The following SMCO2 variants were observed in gnomAD, a reference collection of about 807,000 sequenced individuals.
SMCO2 encodes the protein single-pass membrane and coiled-coil domain-containing protein 2.
A neutral mutation model predicts 29.5 loss-of-function variants in SMCO2; 25 were observed. That is an observed-to-expected ratio of 0.85 (90% CI 0.62 to 1.18). The LOEUF (loss-of-function observed/expected upper bound fraction) is 1.18, where lower values mean the gene tolerates loss of function less well. SMCO2 is among the 50% of genes most tolerant of loss of function. The pLI is 0.00. For missense variants in SMCO2, 348 were observed against 344.5 expected, an observed-to-expected ratio of 1.01 and a Z score of -0.08; for synonymous variants, 117 against 123.3, an observed-to-expected ratio of 0.95 and a Z score of 0.34.
chr12:27,497,045 TG>T, intron 7 of SMCO2: 1 of 154,998 alleles, frequency 6.5e-6, no homozygotes. Flanking sequence ...TGTAGGAGAT[TG>T]GGGGACCCAG....
chr12:27,484,334 A>C (rs374465655), intron 4 of SMCO2, among the ~76,000 whole-genome samples: 2 of 152,024 alleles, frequency 1.3e-5, no homozygotes, highest in African/African-American at 4.8e-5. Flanking sequence ...AGCCAAGATC[A>C]CTCCACTGCA....
intron 1 of SMCO2, among the ~76,000 whole-genome samples, chr12:27,469,429 CT>C (rs1949523738): frequency 1.3e-5 from 2 of 152,296 alleles, no homozygotes; most frequent in East Asian, 3.9e-4. Flanking sequence ...CGACCAAGCC[CT>C]TGTCTGTGCA....
chr12:27,467,344 G>A (rs1949506189), intron 1 of SMCO2, among the ~76,000 whole-genome samples: 1 of 152,044 alleles, frequency 6.6e-6, no homozygotes, highest in Non-Finnish European at 1.5e-5. Flanking sequence ...TGAAGACATG[G>A]GGTGTAGGGA....
intron 4 of SMCO2, among the ~76,000 whole-genome samples, chr12:27,481,954 A>G (rs1239204052): frequency 6.8e-6 from 1 of 147,054 alleles, no homozygotes; most frequent in Non-Finnish European, 1.5e-5. Flanking sequence ...TTTTGATTTC[A>G]TTGGGTTTTT....
intron 7 of SMCO2, chr12:27,497,982 C>A: frequency 6.5e-6 from 2 of 305,866 alleles, no homozygotes; most frequent in South Asian, 4.2e-5. Flanking sequence ...AATATATGTT[C>A]AGATGAAACA....
chr12:27,477,634 C>CA (rs1949600537), intron 4 of SMCO2, among the ~76,000 whole-genome samples: 1 of 109,662 alleles, frequency 9.1e-6, no homozygotes, highest in African/African-American at 3.8e-5. Flanking sequence ...CTTTTTCATT[C>CA]TTTTTTTTTT....
the SMCO2 span, among the ~76,000 whole-genome samples, chr12:27,447,113 A>G: frequency 6.6e-6 from 1 of 152,118 alleles, no homozygotes; most frequent in African/African-American, 2.4e-5. Flanking sequence ...ATCAGCTTAA[A>G]ACAGTGAATG....
chr12:27,453,466 C>T, the SMCO2 span, among the ~76,000 whole-genome samples: 2 of 152,214 alleles, frequency 1.3e-5, no homozygotes, highest in Non-Finnish European at 2.9e-5. Flanking sequence ...CTCTGAAAAA[C>T]TGTCACATAT....
chr12:27,483,440 G>A (rs1949662402), intron 4 of SMCO2, among the ~76,000 whole-genome samples: 1 of 151,454 alleles, frequency 6.6e-6, no homozygotes, highest in African/African-American at 2.4e-5. Context: ...TCTTTTTCGA[G>A]ACAGTCTTGC....
the SMCO2 span, among the ~76,000 whole-genome samples, chr12:27,455,863 TAAA>T: frequency 6.6e-6 from 1 of 152,168 alleles, no homozygotes; most frequent in African/African-American, 2.4e-5. Flanking sequence ...TATTAAGAAA[TAAA>T]AAGTTTTAGG....
chr12:27,487,306 A>C (rs1234236439), intron 4 of SMCO2, among the ~76,000 whole-genome samples: 1 of 152,206 alleles, frequency 6.6e-6, no homozygotes, highest in East Asian at 1.9e-4. Context: ...TGAATGCTAC[A>C]TAAGTGAAAT....
At chr12:27,475,406 G>A (rs1431734550) in intron 4 of SMCO2, among the ~76,000 whole-genome samples, 176 bp from the exon 5 acceptor site, 1 of 152,154 alleles carries the variant, frequency 6.6e-6, no homozygotes, top group Non-Finnish European at 1.5e-5. Context: ...CTGCTAAAGT[G>A]GATATCAAAT....
the SMCO2 span, among the ~76,000 whole-genome samples, chr12:27,457,502 C>A: frequency 6.6e-6 from 1 of 152,214 alleles, no homozygotes; most frequent in Non-Finnish European, 1.5e-5. Context: ...TGAGTTTTCA[C>A]AGTATCAGAA....
At chr12:27,469,431 T>C (rs1949523760) in intron 1 of SMCO2, among the ~76,000 whole-genome samples, 1 of 152,164 alleles carries the variant, frequency 6.6e-6, no homozygotes, top group Non-Finnish European at 1.5e-5. Flanking sequence ...ACCAAGCCCT[T>C]GTCTGTGCAA....
At chr12:27,461,964 A>C (rs539684450), upstream of SMCO2, among the ~76,000 whole-genome samples, 53 of 152,386 alleles carry the variant, frequency 3.5e-4, no homozygotes, top group African/African-American at 1.2e-3. Context: ...CATTATTTGC[A>C]GTCAGCATGC....
Position 27,482,551 on chromosome 12 carries a change from T to C in SMCO2, c.363-5909T>C, listed in dbSNP as rs145995587. On this transcript the variant is annotated intron_variant, in intron 4 of 7. Coordinates refer to ENST00000298876, the Ensembl canonical transcript of SMCO2. ...CCTGACCTCAGGTGATCCGCCCACATTGGCCTACCAAAGTGCTTGGATTAC... is the reference window on the plus strand; with the variant it reads ...CCTGACCTCAGGTGATCCGCCCACACTGGCCTACCAAAGTGCTTGGATTAC... Among the ~76,000 whole-genome samples the C allele has an allele frequency of 6.3e-3, 961 of 152,298 alleles. 5 individuals carry two copies. The highest frequency in any genetic ancestry group is 9.9e-3 in the Non-Finnish European group (673 of 68,012).
the SMCO2 span, among the ~76,000 whole-genome samples, chr12:27,430,354 TATAAA>T: frequency 6.6e-6 from 1 of 152,180 alleles, no homozygotes. Context: ...GTGTTCAAAC[TATAAA>T]ATATAGTTCT....
intron 7 of SMCO2, 57 bp from the exon 9 acceptor site, chr12:27,501,866 C>A: frequency 7.4e-7 from 1 of 1,345,404 alleles, no homozygotes; most frequent in Non-Finnish European, 9.9e-7. Context: ...TGCCAGGAGC[C>A]TATCAATGTG....
the SMCO2 span, among the ~76,000 whole-genome samples, chr12:27,436,946 G>A: frequency 2.6e-5 from 4 of 152,228 alleles, no homozygotes; most frequent in South Asian, 6.2e-4. Flanking sequence ...TACAAAAGAT[G>A]ACTATGCATA....
Sources: gnomAD v4.1 joint callset for allele counts (sites outside exome capture counted in the v4.1 genomes callset) on GRCh38, gnomAD v4.1.1 for gene constraint, MANE v1.5 for transcripts, NCBI Gene and HGNC (gene_info 2026-07-23, HGNC 2026-07-21) for gene names.